HMMR: variants seen among roughly 807,000 people sequenced by gnomAD.
HMMR encodes intracellular hyaluronic acid-binding protein.
HMMR carries 108 observed loss-of-function variants against 101.0 expected under a neutral mutation model. The ratio of observed to expected loss-of-function variants is 1.07; its 90% CI spans 0.92 to 1.25. The LOEUF (loss-of-function observed/expected upper bound fraction) is 1.25. Among genes scored for constraint, HMMR ranks in the 50% most tolerant of loss-of-function variants. HMMR has a pLI of 0.00. For synonymous variants in HMMR, 296 were observed against 276.4 expected, an observed-to-expected ratio of 1.07 and a Z score of -0.70; for missense variants, 813 against 788.7, an observed-to-expected ratio of 1.03 and a Z score of -0.37.
intron 10 of HMMR, among the ~76,000 whole-genome samples, chr5:163,474,922 T>C (rs1295412208): frequency 6.6e-6 from 1 of 151,970 alleles, no homozygotes; most frequent in Non-Finnish European, 1.5e-5. Context: ...CCCAAATGTA[T>C]ATGTATATAT....
In HMMR at chr5:163,474,100, T is replaced by A. The variant is rs1277325890; in HGVS notation, c.948T>A (p.Asn316Lys). ...NRNREHNENL[N>K]AEMQNLKQKF... ...ATAGAGAACACAACGAAAATCTAAA[T>A]GCAGAGATGCAAAACTTAAAACAGA... Residue 316 changes from asparagine to lysine, a missense_variant, in exon 10 of 18, where the codon AAT becomes AAA. By Grantham distance (94) the Asn-to-Lys change is moderately conservative. Coordinates refer to ENST00000393915, the MANE Select transcript of HMMR (RefSeq NM_001142556.2). 6.2e-7 allele frequency: 1 copy of A among 1,611,676 alleles called. No individual in the cohort carries two copies. The highest frequency in any genetic ancestry group is 1.7e-5 in the Admixed American group (1 of 59,822).
Position 163,491,239 on chromosome 5 carries a change from G to T in HMMR, c.*75G>T. ...ATGTTGCTGTTATTATATTTGACAT[G>T]GGTATTTTATAATGTTGTATTTAAT... On this transcript the variant is annotated 3_prime_UTR_variant, in exon 18 of 18. Transcript: ENST00000393915. 1 of 801,372 alleles carries T rather than the reference G, an allele frequency of 1.2e-6. No homozygotes were observed. 49.6% of individuals were successfully genotyped at this position (801,372 alleles called of 1,614,324 possible). A position where few individuals can be genotyped will look rare whatever the true frequency, so the allele number is the denominator to read the frequency against.
intron 7 of HMMR, among the ~76,000 whole-genome samples, chr5:163,471,880 C>T (rs1431870082): frequency 1.3e-5 from 2 of 152,194 alleles, no homozygotes; most frequent in Non-Finnish European, 2.9e-5. Flanking sequence ...TATACACCTA[C>T]GTAACCACTA....
chr5:163,469,687 AG>A lies in HMMR; in HGVS notation c.322del (p.Asp108IlefsTer13). On this transcript the variant is annotated frameshift_variant, in exon 5 of 18. Coordinates refer to ENST00000393915, the MANE Select transcript of HMMR (RefSeq NM_001142556.2). LOFTEE classifies it high-confidence loss of function. ...CGTGGTGCCCAGGACAGGCGGATCC[AG>A]GATCTGGAAACTGAGTTGGAAAAGA... Reference protein sequence around the residue: ...QERGAQDRRIQDLETELEKME... With the variant: ...QERGAQDRRIXDLETELEKME... The A allele has an allele frequency of 6.2e-7, 1 of 1,613,990 alleles. No homozygotes were observed. The highest frequency in any genetic ancestry group is 8.5e-7 in the Non-Finnish European group (1 of 1,179,934).
rs1157462077 is a variant in HMMR, at chr5:163,471,379, A to G, written c.566A>G (p.Gln189Arg). The G allele has an allele frequency of 6.2e-7, 1 of 1,614,120 alleles. No homozygotes were observed. Among genetic ancestry groups the G allele is most frequent in the East Asian group, 2.2e-5 (1 of 44,860 alleles). Reference protein sequence around the residue: ...ETKMRGMMAKQEGMEMKLQVT... With the variant: ...ETKMRGMMAKREGMEMKLQVT... ...GTTGTGTAGGGTATGATGGCTAAGC[A>G]AGAAGGCATGGAGATGAAGCTGCAG... The change falls in exon 7 of 18, where the codon CAA becomes CGA. Residue 189 changes from glutamine to arginine, a missense_variant. Physicochemically the swap from Gln to Arg is conservative, Grantham distance 43 (BLOSUM62 1). Transcript: ENST00000393915.
Position 163,469,703 on chromosome 5 carries a change from G to C in HMMR, c.336G>C (p.Glu112Asp). 1 of 1,613,990 alleles carries C rather than the reference G, an allele frequency of 6.2e-7. No individual in the cohort carries two copies. Among genetic ancestry groups the C allele is most frequent in the Non-Finnish European group, 8.5e-7 (1 of 1,179,910 alleles). The change falls in exon 5 of 18, where the codon GAG (glutamate) becomes GAC (aspartate). Residue 112 changes from glutamate (E) to aspartate (D), a missense_variant. Glu to Asp is a conservative substitution (Grantham distance 45, BLOSUM62 2). Coordinates refer to ENST00000393915, the MANE Select transcript of HMMR (RefSeq NM_001142556.2). ...QDRRIQDLETELEKMEARLNA... is the reference protein window; with the variant it reads ...QDRRIQDLETDLEKMEARLNA... ...GGCGGATCCAGGATCTGGAAACTGAGTTGGAAAAGATGGAAGCAAGGCTAA... is the reference window on the plus strand; with the variant it reads ...GGCGGATCCAGGATCTGGAAACTGACTTGGAAAAGATGGAAGCAAGGCTAA...
intron 17 of HMMR, 144 bp from the exon 18 acceptor site, chr5:163,490,968 G>A: frequency 2.0e-6 from 1 of 488,698 alleles, no homozygotes; most frequent in Non-Finnish European, 3.6e-6. Context: ...AAAGTTGGTT[G>A]AAATGATAAA....
chr5:163,469,070 G>A (rs1758785411), intron 4 of HMMR, among the ~76,000 whole-genome samples: 1 of 152,028 alleles, frequency 6.6e-6, no homozygotes, highest in Non-Finnish European at 1.5e-5. Flanking sequence ...TACCTTAAAA[G>A]TGAATAAATA....
chr5:163,474,834 G>A (rs1263732879), intron 10 of HMMR, among the ~76,000 whole-genome samples: 3 of 152,012 alleles, frequency 2.0e-5, no homozygotes, highest in Admixed American at 2.0e-4. Context: ...ACCTACAACA[G>A]CTAAAGGAAT....
At chr5:163,483,699 TG>T (rs1356766239) in intron 15 of HMMR, among the ~76,000 whole-genome samples, 1 of 152,160 alleles carries the variant, frequency 6.6e-6, no homozygotes, top group Non-Finnish European at 1.5e-5. Flanking sequence ...TATTTTAATT[TG>T]TGGTATGACT....
intron 3 of HMMR, among the ~76,000 whole-genome samples, chr5:163,465,647 C>T (rs778846569): frequency 1.1e-4 from 16 of 152,174 alleles, no homozygotes; most frequent in Non-Finnish European, 1.8e-4. Flanking sequence ...CACACCCAGC[C>T]GCCATATAAT....
rs565316025 is a variant in HMMR at position 163,475,773 on chromosome 5, T to C, written c.1268+101T>C. 8.1e-6 allele frequency: 4 copies of C among 495,978 alleles called. No homozygotes were observed. In the South Asian group the frequency reaches 1.6e-4, roughly 20 times the overall value. The allele number at this position is 495,978 out of a possible 1,614,324, so 30.7% of individuals were successfully genotyped here. On this transcript the variant is annotated intron_variant, in intron 11 of 17. Transcript: ENST00000393915. ...TTATCAATCATGTGAGCGTGTTAGG[T>C]TGGAATTATTTTATAATTAAGTAGT...
chr5:163,477,644 G>A (rs12332687), intron 11 of HMMR, among the ~76,000 whole-genome samples: 5,182 of 152,148 alleles, frequency 0.034, 259 homozygotes, highest in African/African-American at 0.12. Context: ...AAAAAACTGT[G>A]GTCCAATGGT....
chr5:163,485,559 T>C (rs187474910), intron 16 of HMMR, among the ~76,000 whole-genome samples: 199 of 152,334 alleles, frequency 1.3e-3, no homozygotes, highest in African/African-American at 4.7e-3. Context: ...TCTTCATCAA[T>C]TCTGGACACA....
chr5:163,490,332 C>A, intron 16 of HMMR, 58 bp from the exon 17 acceptor site: 1 of 1,174,082 alleles, frequency 8.5e-7, no homozygotes, highest in Non-Finnish European at 1.2e-6. Context: ...ATTGGTAACA[C>A]ATTTCACTGA....
chr5:163,470,444 G>A (rs1278713866), intron 5 of HMMR, among the ~76,000 whole-genome samples: 4 of 152,002 alleles, frequency 2.6e-5, no homozygotes, highest in East Asian at 1.9e-4. Flanking sequence ...CTAACATGGC[G>A]AAACCCCATC....
intron 5 of HMMR, 91 bp downstream of exon 5, chr5:163,469,920 C>A (rs1409226309): frequency 2.3e-5 from 20 of 856,110 alleles, no homozygotes; most frequent in Middle Eastern, 3.4e-4. Flanking sequence ...GTGTTCCCAG[C>A]ATTTTGGGAG....
intron 3 of HMMR, among the ~76,000 whole-genome samples, chr5:163,465,806 C>T (rs1173999784): frequency 6.6e-6 from 1 of 151,358 alleles, no homozygotes; most frequent in African/African-American, 2.4e-5. Flanking sequence ...CTAAAAAATA[C>T]AAAAATGTGC....
At chr5:163,470,812 AG>A (rs1758861853) in intron 5 of HMMR, among the ~76,000 whole-genome samples, 1 of 152,108 alleles carries the variant, frequency 6.6e-6, no homozygotes, top group African/African-American at 2.4e-5. Flanking sequence ...CAACATATCA[AG>A]ACCCCATCTC....
Sources: gnomAD v4.1 joint callset for allele counts (sites outside exome capture counted in the v4.1 genomes callset) on GRCh38, gnomAD v4.1.1 for gene constraint, MANE v1.5 for transcripts, NCBI Gene and HGNC (gene_info 2026-07-23, HGNC 2026-07-21) for gene names.